Variants in HECW1 observed in about 807,000 individuals in gnomAD.
The protein encoded by HECW1 is E3 ubiquitin-protein ligase HECW1.
A neutral mutation model predicts 182.3 loss-of-function variants in HECW1; 61 were observed. The observed-to-expected ratio is 0.33, with a 90% CI of 0.27 to 0.41. The LOEUF (loss-of-function observed/expected upper bound fraction) is 0.41, where lower values mean the gene tolerates loss of function less well. Ranked by LOEUF, HECW1 falls within the 10% of genes least tolerant of loss-of-function variation. HECW1 has a pLI of 1.00. For missense variants in HECW1, 1,739 were observed against 2,108.9 expected, an observed-to-expected ratio of 0.82 and a Z score of 3.44; for synonymous variants, 859 against 832.6, an observed-to-expected ratio of 1.03 and a Z score of -0.55.
Position 43,444,823 on chromosome 7 carries a change from G to A in HECW1, c.1651G>A (p.Gly551Arg), listed in dbSNP as rs1369607620. ...GGAGACGGTGATCGCGTCAGCCTGCGGGGACCCCGAGACCCCGCGGACACA... is the reference window on the plus strand; with the variant it reads ...GGAGACGGTGATCGCGTCAGCCTGCAGGGACCCCGAGACCCCGCGGACACA... Reference protein sequence around the residue: ...ELETVIASACGDPETPRTHYI... With the variant: ...ELETVIASACRDPETPRTHYI... Residue 551 changes from glycine (G) to arginine (R), a missense_variant, in exon 11 of 30, where the codon GGG becomes AGG. Physicochemically the swap from Gly to Arg is moderately radical, Grantham distance 125 (BLOSUM62 -2). Coordinates refer to ENST00000395891, the MANE Select transcript of HECW1 (RefSeq NM_015052.5). This position sits in a 1 kb window ranked among gnomAD's most constrained non-coding sequence, Gnocchi z 4.3. 6.2e-7 allele frequency: 1 copy of A among 1,613,948 alleles called. No individual in the cohort carries two copies. The highest frequency in any genetic ancestry group is 1.7e-5 in the Admixed American group (1 of 60,034).
intron 2 of HECW1, among the ~76,000 whole-genome samples, chr7:43,125,757 TAAAAAAAAAAAAAAA>T (rs57874835): frequency 2.3e-5 from 2 of 86,540 alleles, no homozygotes; most frequent in African/African-American, 8.8e-5. Flanking sequence ...GATTCTGTCT[TAAAAAAAAAAAAAAA>T]AAAAAAAAGA....
At chr7:43,396,945 G>C (rs1229550514) in intron 7 of HECW1, 56 bp downstream of exon 7, 2 of 1,250,734 alleles carry the variant, frequency 1.6e-6, no homozygotes, top group African/African-American at 3.0e-5. Flanking sequence ...AACCAAGAGT[G>C]AAGACACTCA....
At chr7:43,482,066 A>G (rs927032179) in intron 17 of HECW1, among the ~76,000 whole-genome samples, 1 of 151,798 alleles carries the variant, frequency 6.6e-6, no homozygotes, top group Non-Finnish European at 1.5e-5. Flanking sequence ...CTGCTTCCTA[A>G]TGCATCCACC....
chr7:43,229,180 C>T (rs1797677463), intron 2 of HECW1, among the ~76,000 whole-genome samples: 1 of 152,126 alleles, frequency 6.6e-6, no homozygotes, highest in Non-Finnish European at 1.5e-5. Context: ...TCCTCCTTCC[C>T]TATGTTGAAG....
intron 3 of HECW1, among the ~76,000 whole-genome samples, chr7:43,284,205 A>G (rs182864796): frequency 2.0e-5 from 3 of 152,188 alleles, no homozygotes; most frequent in Admixed American, 1.3e-4. Flanking sequence ...GATCTGAAAT[A>G]ATTTTCTTTT....
intron 8 of HECW1, among the ~76,000 whole-genome samples, chr7:43,417,048 C>T (rs1172941886): frequency 6.6e-6 from 1 of 152,136 alleles, no homozygotes; most frequent in Non-Finnish European, 1.5e-5. Flanking sequence ...ATCTTGGCTC[C>T]TCTCATTTAT....
At chr7:43,480,694 TATACAC>T (rs1056975447) in intron 17 of HECW1, among the ~76,000 whole-genome samples, 1 of 148,896 alleles carries the variant, frequency 6.7e-6, no homozygotes, top group African/African-American at 2.4e-5. Flanking sequence ...CATATATATA[TATACAC>T]ACACACACAC....
intron 6 of HECW1, among the ~76,000 whole-genome samples, chr7:43,389,019 A>G (rs2074914091): frequency 6.6e-6 from 1 of 152,226 alleles, no homozygotes; most frequent in Non-Finnish European, 1.5e-5. Context: ...ATGGGGATGC[A>G]AAGAAGCAGG....
intron 2 of HECW1, among the ~76,000 whole-genome samples, chr7:43,201,234 A>G (rs1163305353): frequency 6.6e-6 from 1 of 152,144 alleles, no homozygotes; most frequent in Non-Finnish European, 1.5e-5. Context: ...GAATTAGAGG[A>G]CACTCCAATG....
intron 2 of HECW1, among the ~76,000 whole-genome samples, chr7:43,154,433 A>T (rs2152648797): frequency 6.6e-6 from 1 of 152,266 alleles, no homozygotes; most frequent in East Asian, 1.9e-4. Context: ...ATTATGGTAA[A>T]ATCTCCCCAG....
intron 24 of HECW1, chr7:43,523,083 A>C: frequency 2.3e-6 from 1 of 428,480 alleles, no homozygotes. Context: ...GGCTCACTGC[A>C]ACCTCCTCCT....
At chr7:43,384,005 T>TGAGGAGGAGGAGGAGGAA (rs1554393204) in intron 6 of HECW1, among the ~76,000 whole-genome samples, 1 of 152,036 alleles carries the variant, frequency 6.6e-6, no homozygotes, top group Non-Finnish European at 1.5e-5. Context: ...TTGAGTAGAC[T>TGAGGAGGAGGAGGAGGAA]GAGGAGGAGG....
At position 43,167,468 on chromosome 7, in the gene HECW1, G is replaced by A. The variant is rs564078780; in HGVS notation, c.-32+53077G>A. 3.9e-5 allele frequency among the ~76,000 whole-genome samples: 6 copies of A among 152,316 alleles called. No homozygotes were observed. The South Asian group carries it at 1.2e-3, about 32-fold the overall frequency. On this transcript the variant is annotated intron_variant, in intron 2 of 29. Coordinates refer to ENST00000395891, the MANE Select transcript of HECW1 (RefSeq NM_015052.5). ...TAGAAGGGTGGATATGAATTTAAGG[G>A]ATCCACTATTCAACAACTCCAGATG...
intron 5 of HECW1, among the ~76,000 whole-genome samples, chr7:43,330,251 A>T (rs1477315016): frequency 6.6e-6 from 1 of 152,164 alleles, no homozygotes; most frequent in Non-Finnish European, 1.5e-5. Flanking sequence ...TCACTCTTAA[A>T]GCCCTGAGAC....
intron 2 of HECW1, among the ~76,000 whole-genome samples, chr7:43,224,863 T>C (rs1249433645): frequency 6.6e-6 from 1 of 152,304 alleles, no homozygotes; most frequent in East Asian, 1.9e-4. Flanking sequence ...TCTCTGGGAT[T>C]GCTGGACAGC....
chr7:43,536,843 T>G (rs1026069214), intron 24 of HECW1, among the ~76,000 whole-genome samples: 4 of 152,114 alleles, frequency 2.6e-5, no homozygotes, highest in Non-Finnish European at 4.4e-5. Context: ...GCGAGGCCCC[T>G]CTAAGACAGC....
At chr7:43,488,385 A>G (rs184739058) in intron 17 of HECW1, among the ~76,000 whole-genome samples, 10 of 100,298 alleles carry the variant, frequency 1.0e-4, no homozygotes, top group Non-Finnish European at 1.4e-4. Context: ...GAAGGAAGGA[A>G]GGAAGGAAGG....
intron 24 of HECW1, among the ~76,000 whole-genome samples, chr7:43,514,519 C>A (rs2080046564): frequency 6.6e-6 from 1 of 152,070 alleles, no homozygotes; most frequent in South Asian, 2.1e-4. Flanking sequence ...AAACTCCTGA[C>A]CTCAGGTGAT....
intron 2 of HECW1, among the ~76,000 whole-genome samples, chr7:43,179,578 G>A (rs1792601005): frequency 6.6e-6 from 1 of 151,522 alleles, no homozygotes; most frequent in Non-Finnish European, 1.5e-5. Flanking sequence ...TGTTGTTGTT[G>A]TTGTCGTTTT....
Sources: allele counts gnomAD v4.1 joint callset (sites outside exome capture counted in the v4.1 genomes callset), GRCh38; gene constraint gnomAD v4.1.1; non-coding constraint Gnocchi (gnomAD v3.1); transcripts MANE v1.5; gene names NCBI Gene and HGNC (gene_info 2026-07-23, HGNC 2026-07-21).